The following PSME4 variants were observed in gnomAD, a reference collection of about 807,000 sequenced individuals.
The protein encoded by PSME4 is proteasome activator subunit 4.
PSME4 carries 89 observed loss-of-function variants against 253.9 expected under a neutral mutation model. The ratio of observed to expected loss-of-function variants is 0.35; its 90% CI spans 0.30 to 0.42. PSME4 has a LOEUF of 0.42. PSME4 is among the 10% of genes least tolerant of loss of function. The probability of loss-of-function intolerance (pLI) is 1.00; values close to 1 mark genes in which losing one functional copy is unlikely to be tolerated. For synonymous variants in PSME4, 851 were observed against 759.2 expected (o/e 1.12, Z -1.99); for missense variants, 2,014 against 2,195.2 (o/e 0.92, Z 1.65).
chr2:53,969,635 T>G (rs2293360), intron 1 of PSME4, among the ~76,000 whole-genome samples: 17,959 of 151,454 alleles, frequency 0.12, 1,205 homozygotes, highest in East Asian at 0.28. Context: ...ACAGTAAAGA[T>G]GCCCATCCAG....
At chr2:53,904,577 T>C (rs139637250) in intron 26 of PSME4, among the ~76,000 whole-genome samples, 1 of 152,284 alleles carries the variant, frequency 6.6e-6, no homozygotes, top group African/African-American at 2.4e-5. Flanking sequence ...AACAGACACA[T>C]AACAACTTAA....
chr2:53,961,648 A>G (rs534696330), intron 1 of PSME4, among the ~76,000 whole-genome samples: 29 of 152,320 alleles, frequency 1.9e-4, no homozygotes, highest in Admixed American at 1.2e-3. Context: ...ACTGCACTCC[A>G]ACCTGGGCGA....
chr2:53,939,206 C>T (rs144553672), intron 4 of PSME4, among the ~76,000 whole-genome samples: 22 of 152,096 alleles, frequency 1.4e-4, no homozygotes, highest in African/African-American at 4.3e-4. Context: ...AATAAATATC[C>T]GATTTATTAA....
Position 53,940,709 on chromosome 2 carries a change from T to C in PSME4, c.501-709A>G, listed in dbSNP as rs146055111. ...GAATATTTAAATATTTACTAGATCA[T>C]AGTCAAGCGGTCAAATGCAAACAAA... On this transcript the variant is annotated intron_variant, in intron 3 of 46. Coordinates refer to ENST00000404125, the MANE Select transcript of PSME4 (RefSeq NM_014614.3). Among the ~76,000 whole-genome samples, 57 of 150,984 alleles carry C rather than the reference T, an allele frequency of 3.8e-4. No homozygotes were observed. In the East Asian group the frequency reaches 6.8e-3, roughly 18 times the overall value.
intron 34 of PSME4, among the ~76,000 whole-genome samples, chr2:53,894,361 T>A (rs1415388367): frequency 6.6e-6 from 1 of 152,194 alleles, no homozygotes; most frequent in Non-Finnish European, 1.5e-5. Context: ...AGTCTTGCCT[T>A]CCTCGGGTCG....
intron 12 of PSME4, among the ~76,000 whole-genome samples, chr2:53,926,449 G>C (rs558740840): frequency 2.0e-5 from 3 of 152,144 alleles, no homozygotes; most frequent in African/African-American, 7.2e-5. Flanking sequence ...CGAGGCAAGC[G>C]AATCACTTGA....
At chr2:53,942,231 AAAAAT>A (rs2104470211) in intron 3 of PSME4, 1 of 152,714 alleles carries the variant, frequency 6.5e-6, no homozygotes, top group South Asian at 2.1e-4. Flanking sequence ...GTTTCTGTTT[AAAAAT>A]AAAATAAAAG....
Position 53,925,593 on chromosome 2 carries a change from A to G in PSME4, c.1755T>C (p.Gly585=). 1 of 1,609,504 alleles carries G rather than the reference A, an allele frequency of 6.2e-7. No individual in the cohort carries two copies. ...MTHLESLVEL[G]LSSTFSTILT... ...GGATTGTACTAAACGTAGAAGACAG[A>G]CCTAATTCGACCAAACTCTCCAAGT... Residue 585 remains glycine, a synonymous_variant, in exon 14 of 47, where the codon GGT becomes GGC. Transcript: ENST00000404125.
At chr2:53,965,331 C>T (rs975245042) in intron 1 of PSME4, among the ~76,000 whole-genome samples, 9 of 151,604 alleles carry the variant, frequency 5.9e-5, no homozygotes, top group African/African-American at 1.9e-4. Flanking sequence ...TCACTGTAGC[C>T]TCTGCCTCCC....
intron 37 of PSME4, 61 bp from the exon 38 acceptor site, chr2:53,888,873 T>C (rs1679760931): frequency 1.6e-6 from 2 of 1,260,388 alleles, no homozygotes; most frequent in African/African-American, 2.9e-5. Flanking sequence ...AAACAAATCA[T>C]ACTCAGTTAT....
intron 24 of PSME4, 180 bp downstream of exon 24, chr2:53,908,140 T>G: frequency 1.8e-6 from 1 of 551,154 alleles, no homozygotes. Context: ...ATAAGAAAAA[T>G]ATATTTTTTG....
intron 37 of PSME4, among the ~76,000 whole-genome samples, chr2:53,889,592 T>G (rs1679805146): frequency 6.6e-6 from 1 of 152,116 alleles, no homozygotes; most frequent in Non-Finnish European, 1.5e-5. Flanking sequence ...AACTGATAGG[T>G]GACTCAAACT....
At chr2:53,911,398 C>T (rs1032278157) in intron 20 of PSME4, among the ~76,000 whole-genome samples, 4 of 152,088 alleles carry the variant, frequency 2.6e-5, no homozygotes, top group Non-Finnish European at 5.9e-5. Context: ...AAGCTTCAAC[C>T]ACTGGCAAAC....
chr2:53,945,227 G>A (rs1435296069), intron 3 of PSME4, among the ~76,000 whole-genome samples: 1 of 152,086 alleles, frequency 6.6e-6, no homozygotes. Context: ...ACTATAACTT[G>A]CAATATGCTA....
chr2:53,936,195 T>C (rs775367876), intron 6 of PSME4, 34 bp from the exon 7 acceptor site: 6 of 1,611,374 alleles, frequency 3.7e-6, no homozygotes, highest in Non-Finnish European at 4.2e-6. Flanking sequence ...AGTTAATATA[T>C]TTGTTGTTAT....
chr2:53,932,173 C>T lies in PSME4; in HGVS notation c.1051-73G>A. The T allele has an allele frequency of 1.5e-6, 2 of 1,372,666 alleles. 1 individual carries two copies. The highest frequency in any genetic ancestry group is 2.7e-5 in the South Asian group (2 of 72,942). The allele number at this position is 1,372,666 out of a possible 1,614,324, so 85.0% of individuals were successfully genotyped here. A position where few individuals can be genotyped will look rare whatever the true frequency, so the allele number is the denominator to read the frequency against. ...ATAGACATTCATGGTTGCTCTCTAGCTTCTTGAGAAAAGATTTTAAAAATA... is the reference window on the plus strand; with the variant it reads ...ATAGACATTCATGGTTGCTCTCTAGTTTCTTGAGAAAAGATTTTAAAAATA... On this transcript the variant is annotated intron_variant, in intron 9 of 46. Transcript: ENST00000404125.
intron 29 of PSME4, 120 bp downstream of exon 29, chr2:53,899,761 T>G: frequency 8.2e-7 from 1 of 1,226,304 alleles, no homozygotes; most frequent in Non-Finnish European, 1.1e-6. Context: ...AAGGTTGCAG[T>G]GAGCCATGAT....
At chr2:53,927,523 C>A (rs1479311155) in intron 11 of PSME4, 40 bp from the exon 12 acceptor site, 2 of 1,354,372 alleles carry the variant, frequency 1.5e-6, no homozygotes, top group Non-Finnish European at 2.1e-6. Flanking sequence ...TTACATAATT[C>A]TAATTCAGAA....
chr2:53,923,215 C>T lies in PSME4; in HGVS notation c.1909-97G>A, dbSNP rs1392192110. 3.4e-6 allele frequency: 5 copies of T among 1,458,364 alleles called. No homozygotes were observed. In the African/African-American group the frequency reaches 7.1e-5, roughly 21 times the overall value. The allele number at this position is 1,458,364 out of a possible 1,614,324, so 90.3% of individuals were successfully genotyped here. ...GTAAAAGGCTGTAAATAAGCAGCTACTGAAAGAACTATGCATTTTAAGCAT... is the reference window on the plus strand; with the variant it reads ...GTAAAAGGCTGTAAATAAGCAGCTATTGAAAGAACTATGCATTTTAAGCAT... On this transcript the variant is annotated intron_variant, in intron 15 of 46. Coordinates refer to ENST00000404125, the MANE Select transcript of PSME4 (RefSeq NM_014614.3).
Sources: gnomAD v4.1 joint callset for allele counts (sites outside exome capture counted in the v4.1 genomes callset) on GRCh38, gnomAD v4.1.1 for gene constraint, MANE v1.5 for transcripts, NCBI Gene and HGNC (gene_info 2026-07-23, HGNC 2026-07-21) for gene names.